The following FRMD8 variants were observed in gnomAD, a reference collection of about 807,000 sequenced individuals.
The protein encoded by FRMD8 is FERM domain containing 8.
FRMD8 carries 37 observed loss-of-function variants against 54.2 expected under a neutral mutation model. That is an observed-to-expected ratio of 0.68 (90% CI 0.53 to 0.90). FRMD8 has a LOEUF of 0.90. Among genes scored for constraint, FRMD8 ranks in the 40% least tolerant of loss-of-function variants. The probability of loss-of-function intolerance (pLI) is 0.00; values close to 1 mark genes in which losing one functional copy is unlikely to be tolerated. For synonymous variants in FRMD8, 246 were observed against 286.9 expected (o/e 0.86, Z 1.44); for missense variants, 585 against 653.7 (o/e 0.89, Z 1.15).
chr11:65,379,694 A>G, the FRMD8 span: 1 of 1,252,806 alleles, frequency 8.0e-7, no homozygotes, highest in Non-Finnish European at 1.1e-6. Context: ...ACAGGCAGGG[A>G]TGGGCTGAGG....
Position 65,400,062 on chromosome 11 carries a change from G to A in FRMD8, c.927+203G>A, listed in dbSNP as rs953810853. Among the ~76,000 whole-genome samples the A allele has an allele frequency of 8.5e-5, 13 of 152,202 alleles. No homozygotes were observed. The highest frequency in any genetic ancestry group is 1.9e-4 in the African/African-American group (8 of 41,448). ...CAACATGCTAGGCTGTGGGGTGGCCGGGGCAGGGGAGGCCGCAGCTGGGAC... is the reference window on the plus strand; with the variant it reads ...CAACATGCTAGGCTGTGGGGTGGCCAGGGCAGGGGAGGCCGCAGCTGGGAC... On this transcript the variant is annotated intron_variant, in intron 8 of 10. Transcript: ENST00000317568. The surrounding 1 kb of genome is among the most constrained non-coding windows in gnomAD (Gnocchi z 4.3).
intron 9 of FRMD8, among the ~76,000 whole-genome samples, chr11:65,402,139 C>T (rs966477295): frequency 1.3e-5 from 2 of 151,980 alleles, no homozygotes; most frequent in African/African-American, 4.8e-5. Flanking sequence ...TCTTTAGGCT[C>T]AGAGCTCAAG....
intron 3 of FRMD8, 53 bp downstream of exon 3, chr11:65,389,581 A>G (rs925350995): frequency 5.4e-6 from 8 of 1,492,888 alleles, no homozygotes; most frequent in Non-Finnish European, 9.0e-7. Flanking sequence ...GGCACTGACC[A>G]GTACAGGAGG....
chr11:65,399,598 C>A, intron 7 of FRMD8, 138 bp from the exon 8 acceptor site: 1 of 1,030,568 alleles, frequency 9.7e-7, no homozygotes, highest in Non-Finnish European at 1.4e-6. Context: ...CTTCATCCCA[C>A]CTCTGTTTCT....
chr11:65,399,830 G>A lies in FRMD8; in HGVS notation c.898G>A (p.Gly300Ser), dbSNP rs1169196966. The stretch of plus-strand genomic sequence containing the variant: ...AGTTTCTGTGGCCATCAGTCTGGAA[G>A]GCGTGCACGTCATCGATAGCAGAGA... ...KPVSVAISLE[G>S]VHVIDSREKH... The change falls in exon 8 of 11, where the codon GGC (glycine) becomes AGC (serine). Residue 300 changes from glycine to serine, a missense_variant. Gly to Ser is a moderately conservative substitution (Grantham distance 56). Transcript: ENST00000317568. 1 of 1,614,022 alleles carries A rather than the reference G, an allele frequency of 6.2e-7. No individual in the cohort carries two copies. The highest frequency in any genetic ancestry group is 8.5e-7 in the Non-Finnish European group (1 of 1,179,936).
At chr11:65,396,371 G>A (rs1029862912) in intron 6 of FRMD8, among the ~76,000 whole-genome samples, 1 of 152,200 alleles carries the variant, frequency 6.6e-6, no homozygotes, top group East Asian at 1.9e-4. Flanking sequence ...CGGTGACCCC[G>A]GGTCAGACGG....
the FRMD8 span, chr11:65,377,106 GT>G: frequency 6.2e-7 from 1 of 1,601,108 alleles, no homozygotes; most frequent in Non-Finnish European, 8.5e-7. Context: ...AGGGCCCCGG[GT>G]GGGGCTTTGG....
At chr11:65,378,960 G>A in the FRMD8 span, 1 of 196,144 alleles carries the variant, frequency 5.1e-6, no homozygotes, top group South Asian at 7.8e-5. Flanking sequence ...GCAGGGCCAG[G>A]GGAGTGTCAG....
rs1179567142 is a variant in FRMD8 at position 65,400,873 on chromosome 11, G to T, written c.1071+6G>T. On this transcript the variant is annotated splice_donor_region_variant and intron_variant, in intron 9 of 10. Transcript: ENST00000317568. The surrounding 1 kb of genome is among the most constrained non-coding windows in gnomAD (Gnocchi z 4.3). ...TCAAGATCTACTCCAAGCAGGTAGCGCGGGTGGTGCCTGCACACGGGTGGG... is the reference window on the plus strand; with the variant it reads ...TCAAGATCTACTCCAAGCAGGTAGCTCGGGTGGTGCCTGCACACGGGTGGG... 2 of 1,596,206 alleles carry T rather than the reference G, an allele frequency of 1.3e-6. No individual in the cohort carries two copies. Among genetic ancestry groups the T allele is most frequent in the East Asian group, 4.5e-5 (2 of 44,460 alleles).
intron 10 of FRMD8, among the ~76,000 whole-genome samples, chr11:65,408,976 C>T (rs1030904803): frequency 6.6e-6 from 1 of 152,040 alleles, no homozygotes; most frequent in South Asian, 2.1e-4. Context: ...CCAGGTGTAC[C>T]CTCCCCAGCA....
chr11:65,368,527 G>T, the FRMD8 span, among the ~76,000 whole-genome samples: 1 of 151,782 alleles, frequency 6.6e-6, no homozygotes, highest in Non-Finnish European at 1.5e-5. Flanking sequence ...TATTTACTGA[G>T]CACCTCTGTA....
rs541022646 is a variant in FRMD8 at position 65,407,883 on chromosome 11, C to CAA, written c.1276+2830_1276+2831dup. On this transcript the variant is annotated intron_variant, in intron 10 of 10. Transcript: ENST00000317568. ...TGGGCGACAGAGCGAGACTCTGTCT[C>CAA]AAAAAAAAAAAAAAAAGGAAATGAG... Among the ~76,000 whole-genome samples the CAA allele has an allele frequency of 8.6e-3, 1,062 of 124,196 alleles. 21 individuals are homozygous for CAA. The highest frequency in any genetic ancestry group is 0.018 in the Admixed American group (226 of 12,246). 81.5% of individuals were successfully genotyped at this position (124,196 alleles called of 152,430 possible). A position where few individuals can be genotyped will look rare whatever the true frequency, so the allele number is the denominator to read the frequency against.
At chr11:65,386,847 G>A (rs1590644677) in intron 1 of FRMD8, 86 bp downstream of exon 1, 1 of 572,952 alleles carries the variant, frequency 1.7e-6, no homozygotes. Context: ...GTCGACCCCC[G>A]GTTCTTGACC....
At position 65,412,459 on chromosome 11, in the gene FRMD8, A is replaced by T. The variant is rs1244576172; in HGVS notation, c.*1099A>T. Reference sequence around the variant, plus strand: ...TCTTCTTTATCGAGGACACTTGGAAAGGTGACTGATATGGGTGCTTGGCTT... The same window carrying T: ...TCTTCTTTATCGAGGACACTTGGAATGGTGACTGATATGGGTGCTTGGCTT... On this transcript the variant is annotated 3_prime_UTR_variant, in exon 11 of 11. Coordinates refer to ENST00000317568, the MANE Select transcript of FRMD8 (RefSeq NM_031904.5). The T allele has an allele frequency of 3.3e-5, 5 of 152,320 alleles. No homozygotes were observed. Among genetic ancestry groups the T allele is most frequent in the Admixed American group, 1.3e-4 (2 of 15,288 alleles). 9.4% of individuals were successfully genotyped at this position (152,320 alleles called of 1,614,324 possible).
rs1184260753 is a variant in FRMD8, at chr11:65,399,741, CCTT to C, written c.814_816del (p.Phe272del). On this transcript the variant is annotated inframe_deletion, in exon 8 of 11. Coordinates refer to ENST00000317568, the MANE Select transcript of FRMD8 (RefSeq NM_031904.5). ...GACCCCAGTCCCCTCCCCAGGTGTG[CCTT>C]CTTCCACGGTGAGGTTGACAAGCCG... is the stretch of plus-strand genomic sequence containing the variant. The C allele has an allele frequency of 6.2e-7, 1 of 1,613,918 alleles. No individual in the cohort carries two copies. Among genetic ancestry groups the C allele is most frequent in the Non-Finnish European group, 8.5e-7 (1 of 1,179,900 alleles).
chr11:65,404,118 C>A lies in FRMD8; in HGVS notation c.1072-746C>A, dbSNP rs1473896291. 6.6e-6 allele frequency among the ~76,000 whole-genome samples: 1 copy of A among 152,182 alleles called. No homozygotes were observed. Among genetic ancestry groups the A allele is most frequent in the African/African-American group, 2.4e-5 (1 of 41,440 alleles). ...GTGGAGAGGCAGGAGCCAGGCCAGTCTCCGCAGGGCCACTCCAGCATCTGA... is the reference window on the plus strand; with the variant it reads ...GTGGAGAGGCAGGAGCCAGGCCAGTATCCGCAGGGCCACTCCAGCATCTGA... On this transcript the variant is annotated intron_variant, in intron 9 of 10. Coordinates refer to ENST00000317568, the MANE Select transcript of FRMD8 (RefSeq NM_031904.5). This position sits in a 1 kb window ranked among gnomAD's most constrained non-coding sequence, Gnocchi z 4.7.
Position 65,400,138 on chromosome 11 carries a change from G to A in FRMD8, c.927+279G>A, listed in dbSNP as rs953424146. Among the ~76,000 whole-genome samples the A allele has an allele frequency of 2.0e-5, 3 of 152,186 alleles. No homozygotes were observed. The highest frequency in any genetic ancestry group is 4.4e-5 in the Non-Finnish European group (3 of 68,020). ...GCAGGGCCCGCTGCTCTGCCTGGCT[G>A]ATGGCTGGAGAACAGCCTGATGCTC... On this transcript the variant is annotated intron_variant, in intron 8 of 10. Transcript: ENST00000317568. The surrounding 1 kb of genome is among the most constrained non-coding windows in gnomAD (Gnocchi z 4.3).
chr11:65,410,136 C>A (rs1454697632), intron 10 of FRMD8, among the ~76,000 whole-genome samples: 2 of 151,832 alleles, frequency 1.3e-5, no homozygotes, highest in Non-Finnish European at 2.9e-5. Flanking sequence ...GAGGTCAAGG[C>A]AGGTGGATCA....
chr11:65,384,575 C>T (rs1481525338), upstream of FRMD8, among the ~76,000 whole-genome samples: 2 of 152,218 alleles, frequency 1.3e-5, no homozygotes, highest in Non-Finnish European at 2.9e-5. Context: ...TTTCCACTCT[C>T]AGGACGCATG....
Sources: allele counts gnomAD v4.1 joint callset (sites outside exome capture counted in the v4.1 genomes callset), GRCh38; gene constraint gnomAD v4.1.1; non-coding constraint Gnocchi (gnomAD v3.1); transcripts MANE v1.5; gene names NCBI Gene and HGNC (gene_info 2026-07-23, HGNC 2026-07-21).